VPS13C: variants seen among roughly 807,000 people sequenced by gnomAD.
The protein encoded by VPS13C is intermembrane lipid transfer protein VPS13C.
Under a neutral mutation model 456.8 loss-of-function variants are expected in VPS13C, and 358 were observed. That is an observed-to-expected ratio of 0.78 (90% confidence interval 0.72 to 0.86). The LOEUF (loss-of-function observed/expected upper bound fraction) is 0.86. Among genes scored for constraint, VPS13C ranks in the 40% least tolerant of loss-of-function variants. VPS13C has a pLI of 0.00. For synonymous variants in VPS13C, 1,578 were observed against 1,486.7 expected (o/e 1.06, Z -1.41); for missense variants, 4,818 against 4,385.4 (o/e 1.10, Z -2.79).
intron 66 of VPS13C, among the ~76,000 whole-genome samples, chr15:61,893,245 A>C (rs2042705429): frequency 6.6e-6 from 1 of 152,200 alleles, no homozygotes; most frequent in African/African-American, 2.4e-5. Context: ...GAAAAGAAGC[A>C]GATAACATAT....
chr15:61,989,733 A>C (rs1002736714), intron 18 of VPS13C, among the ~76,000 whole-genome samples: 2 of 152,196 alleles, frequency 1.3e-5, no homozygotes, highest in African/African-American at 2.4e-5. Flanking sequence ...CACCAACCTA[A>C]TACTACTACT....
Position 61,873,311 on chromosome 15 carries a change from C to G in VPS13C, c.10513G>C (p.Glu3505Gln). 6.2e-7 allele frequency: 1 copy of G among 1,613,772 alleles called. No individual in the cohort carries two copies. Among genetic ancestry groups the G allele is most frequent in the South Asian group, 1.1e-5 (1 of 91,064 alleles). Reference sequence around the variant, plus strand: ...AAATCTCTGGGCTGTCGACTCAACTCTTCTCTTCTTTTTTGCTGATATTCC... The same window carrying G: ...AAATCTCTGGGCTGTCGACTCAACTGTTCTCTTCTTTTTTGCTGATATTCC... Reference protein sequence around the residue: ...DKEYQQKRREELSRQPRDFGD... With the variant: ...DKEYQQKRREQLSRQPRDFGD... The change falls in exon 78 of 85, where the codon GAG (glutamate) becomes CAG (glutamine). Residue 3505 changes from glutamate to glutamine, a missense_variant. By Grantham distance (29) the Glu-to-Gln change is conservative. Around this residue, in one of 3 missense-constraint regions of VPS13C, gnomAD observed 4,552 missense variants for 4,130.6 expected, o/e 1.10. Coordinates refer to ENST00000644861, the MANE Select transcript of VPS13C (RefSeq NM_020821.3).
intron 73 of VPS13C, among the ~76,000 whole-genome samples, chr15:61,880,230 C>T (rs2414755): frequency 0.39 from 59,355 of 151,968 alleles, 11,955 homozygotes; most frequent in Non-Finnish European, 0.43. Flanking sequence ...CAGTATAGTA[C>T]CTACTTCAGC....
intron 47 of VPS13C, among the ~76,000 whole-genome samples, chr15:61,939,945 G>T (rs575835851): frequency 1.9e-4 from 29 of 149,670 alleles, no homozygotes; most frequent in African/African-American, 7.2e-4. Flanking sequence ...AGTGAGCCTA[G>T]ATCATGCCAC....
In VPS13C at chr15:61,858,357, T is replaced by TCTAC. The variant is rs1224753081; in HGVS notation, c.10953-1949_10953-1948insGTAG. ...ATCTATCTATCTATCTATCTATCTA[T>TCTAC]CTATCTGTCTATCTATCTCCCTCCC... On this transcript the variant is annotated intron_variant, in intron 82 of 84. Coordinates refer to ENST00000644861, the MANE Select transcript of VPS13C (RefSeq NM_020821.3). This position sits in a 1 kb window ranked among gnomAD's most constrained non-coding sequence, Gnocchi z 4.4. Among the ~76,000 whole-genome samples the TCTAC allele has an allele frequency of 4.9e-5, 7 of 143,814 alleles. No individual in the cohort carries two copies. The East Asian group carries it at 1.4e-3, about 30-fold the overall frequency. The allele number at this position is 143,814 out of a possible 152,430, so 94.3% of individuals were successfully genotyped here.
intron 1 of VPS13C, among the ~76,000 whole-genome samples, chr15:62,057,482 T>C (rs1003440788): frequency 3.9e-5 from 6 of 152,168 alleles, no homozygotes; most frequent in South Asian, 2.1e-4. Context: ...AACAACAGAC[T>C]GTGCAATAAT....
rs1447005388 is a variant in VPS13C, at chr15:61,991,098, T to C, written c.1484-4A>G. On this transcript the variant is annotated splice_region_variant and splice_polypyrimidine_tract_variant and intron_variant, in intron 17 of 84. Coordinates refer to ENST00000644861, the MANE Select transcript of VPS13C (RefSeq NM_020821.3). ...GGAGTCATAAGGTCATCAATAGCTATGAAAAAACAACATTTTAAGAAATTA... is the reference window on the plus strand; with the variant it reads ...GGAGTCATAAGGTCATCAATAGCTACGAAAAAACAACATTTTAAGAAATTA... 3 of 1,582,862 alleles carry C rather than the reference T, an allele frequency of 1.9e-6. No individual in the cohort carries two copies. Among genetic ancestry groups the C allele is most frequent in the African/African-American group, 2.7e-5 (2 of 73,134 alleles).
chr15:62,022,621 A>C (rs1254004084), intron 8 of VPS13C, among the ~76,000 whole-genome samples: 1 of 151,914 alleles, frequency 6.6e-6, no homozygotes, highest in Non-Finnish European at 1.5e-5. Flanking sequence ...TGTCCTGCTG[A>C]CTTATCAAGT....
intron 46 of VPS13C, among the ~76,000 whole-genome samples, 164 bp downstream of exon 46, chr15:61,941,599 C>T (rs1274582987): frequency 6.6e-6 from 1 of 152,084 alleles, no homozygotes; most frequent in Non-Finnish European, 1.5e-5. Flanking sequence ...GAGGCACATA[C>T]ATGACTGTTT....
rs1424919116 is a variant in VPS13C at position 61,868,393 on chromosome 15, A to G, written c.10863+266T>C. On this transcript the variant is annotated intron_variant, in intron 81 of 84. Transcript: ENST00000644861. Reference sequence around the variant, plus strand: ...ATTAACAATGTTAACTAAATGAGCTATCACAGAAATAGTGATATAGCCTAT... The same window carrying G: ...ATTAACAATGTTAACTAAATGAGCTGTCACAGAAATAGTGATATAGCCTAT... Among the ~76,000 whole-genome samples the G allele has an allele frequency of 1.1e-4, 17 of 152,214 alleles. 1 individual carries two copies. The highest frequency in any genetic ancestry group is 1.1e-3 in the Admixed American group (17 of 15,282).
intron 37 of VPS13C, 59 bp downstream of exon 37, chr15:61,958,549 T>C: frequency 1.1e-6 from 1 of 947,358 alleles, no homozygotes; most frequent in Non-Finnish European, 1.6e-6. Context: ...GCTGATTCCC[T>C]ACTAAACCAT....
intron 37 of VPS13C, among the ~76,000 whole-genome samples, chr15:61,955,097 T>C (rs1009551991): frequency 1.3e-5 from 2 of 152,182 alleles, no homozygotes; most frequent in African/African-American, 4.8e-5. Flanking sequence ...ATAATTATGA[T>C]GCTGTGTTTC....
At chr15:61,994,001 C>CAAATAA (rs2046301403) in intron 16 of VPS13C, among the ~76,000 whole-genome samples, 1 of 151,932 alleles carries the variant, frequency 6.6e-6, no homozygotes, top group Admixed American at 6.6e-5. Flanking sequence ...TAAAAATATA[C>CAAATAA]AAATGAGACC....
At chr15:61,896,208 C>A (rs1232931871) in intron 66 of VPS13C, among the ~76,000 whole-genome samples, 1 of 152,196 alleles carries the variant, frequency 6.6e-6, no homozygotes, top group African/African-American at 2.4e-5. Flanking sequence ...CTGCTGAATT[C>A]TACCAAACAC....
chr15:61,860,262 C>T (rs1399781620), intron 82 of VPS13C, among the ~76,000 whole-genome samples: 2 of 151,818 alleles, frequency 1.3e-5, no homozygotes, highest in African/African-American at 4.8e-5. Flanking sequence ...CAAAGAAATG[C>T]TAATTAAAAC....
chr15:61,995,795 T>C (rs1392683416), intron 16 of VPS13C, among the ~76,000 whole-genome samples: 2 of 152,214 alleles, frequency 1.3e-5, no homozygotes, highest in African/African-American at 4.8e-5. Context: ...TTTTAAAACC[T>C]TAAGCAGAGG....
intron 5 of VPS13C, among the ~76,000 whole-genome samples, chr15:62,029,592 G>A (rs1207777288): frequency 1.3e-5 from 2 of 152,036 alleles, no homozygotes; most frequent in Non-Finnish European, 1.5e-5. Flanking sequence ...AAAACTGTCT[G>A]TACCTCTTTG....
intron 45 of VPS13C, among the ~76,000 whole-genome samples, chr15:61,944,532 G>C (rs530182439): frequency 6.6e-6 from 1 of 152,076 alleles, no homozygotes; most frequent in Non-Finnish European, 1.5e-5. Flanking sequence ...ATTAACGCAC[G>C]AACAGAAACC....
At chr15:61,872,221 C>T (rs971173565) in intron 78 of VPS13C, among the ~76,000 whole-genome samples, 187 bp from the exon 79 acceptor site, 1 of 152,112 alleles carries the variant, frequency 6.6e-6, no homozygotes, top group Admixed American at 6.5e-5. Context: ...TATCATATCA[C>T]AGCAAATCTT....
Sources: allele counts gnomAD v4.1 joint callset (sites outside exome capture counted in the v4.1 genomes callset), GRCh38; gene constraint gnomAD v4.1.1; regional missense constraint gnomAD v4.1.1; non-coding constraint Gnocchi (gnomAD v3.1); transcripts MANE v1.5; gene names NCBI Gene and HGNC (gene_info 2026-07-23, HGNC 2026-07-21).